The following NELL1 variants were observed in gnomAD, a reference collection of about 807,000 sequenced individuals.
NELL1 encodes the protein protein kinase C-binding protein NELL1.
A neutral mutation model predicts 107.4 loss-of-function variants in NELL1; 76 were observed. That is an observed-to-expected ratio of 0.71 (90% CI 0.59 to 0.86). The LOEUF is 0.86. Among genes scored for constraint, NELL1 ranks in the 40% least tolerant of loss-of-function variants. The pLI, the probability that NELL1 is intolerant of heterozygous loss-of-function variation, is 0.00. For missense variants in NELL1, 1,024 were observed against 1,005.5 expected, an observed-to-expected ratio of 1.02 and a Z score of -0.25; for synonymous variants, 353 against 341.2, an observed-to-expected ratio of 1.03 and a Z score of -0.38.
At chr11:20,863,445 G>A (rs1295732077) in intron 4 of NELL1, among the ~76,000 whole-genome samples, 35 of 114,254 alleles carry the variant, frequency 3.1e-4, no homozygotes, top group African/African-American at 9.4e-4. Flanking sequence ...GCTGCTGGGC[G>A]GAGGGGCTCC....
chr11:20,834,433 C>T (rs541075776), intron 3 of NELL1, among the ~76,000 whole-genome samples: 2 of 151,952 alleles, frequency 1.3e-5, no homozygotes, highest in Non-Finnish European at 2.9e-5. Flanking sequence ...GTTGGTTATG[C>T]AAGTAAGCAG....
intron 15 of NELL1, among the ~76,000 whole-genome samples, chr11:21,470,781 G>A (rs1356925785): frequency 6.6e-6 from 1 of 152,074 alleles, no homozygotes. Context: ...AGGATGCACT[G>A]TGCAGCAGTT....
At chr11:21,053,726 G>A (rs1853550814) in intron 12 of NELL1, among the ~76,000 whole-genome samples, 1 of 152,160 alleles carries the variant, frequency 6.6e-6, no homozygotes, top group Admixed American at 6.6e-5. Flanking sequence ...AACAGATGGA[G>A]CTGGAGAAAT....
intron 14 of NELL1, among the ~76,000 whole-genome samples, chr11:21,357,431 C>T (rs943721746): frequency 1.3e-5 from 2 of 151,970 alleles, no homozygotes; most frequent in Non-Finnish European, 2.9e-5. Flanking sequence ...TTTGTATATT[C>T]GTTGGCCATT....
intron 14 of NELL1, among the ~76,000 whole-genome samples, chr11:21,322,163 C>T (rs1386606219): frequency 6.6e-6 from 1 of 152,182 alleles, no homozygotes; most frequent in Admixed American, 6.5e-5. Flanking sequence ...CAACTCAGAA[C>T]AATCCCTTTC....
At chr11:21,369,397 T>C (rs1049445737) in intron 14 of NELL1, among the ~76,000 whole-genome samples, 6 of 148,392 alleles carry the variant, frequency 4.0e-5, no homozygotes, top group African/African-American at 1.2e-4. Flanking sequence ...AGGCGAAGTG[T>C]TCTAAGATGC....
At chr11:20,810,805 A>G (rs1857486869) in intron 3 of NELL1, among the ~76,000 whole-genome samples, 1 of 151,956 alleles carries the variant, frequency 6.6e-6, no homozygotes, top group South Asian at 2.1e-4. Context: ...TCTTTTCTAT[A>G]GCAGCATTAC....
chr11:21,218,956 C>A (rs1238974723), intron 13 of NELL1, among the ~76,000 whole-genome samples: 1 of 152,022 alleles, frequency 6.6e-6, no homozygotes, highest in African/African-American at 2.4e-5. Context: ...TATGGGGGTG[C>A]AAATATCTCT....
At chr11:21,145,911 T>G (rs1489272760) in intron 13 of NELL1, among the ~76,000 whole-genome samples, 1 of 152,214 alleles carries the variant, frequency 6.6e-6, no homozygotes, top group Non-Finnish European at 1.5e-5. Flanking sequence ...CTTTTATGTC[T>G]TTCCCTCATT....
At chr11:21,311,361 A>G (rs919087154) in intron 14 of NELL1, among the ~76,000 whole-genome samples, 6 of 152,160 alleles carry the variant, frequency 3.9e-5, no homozygotes, top group African/African-American at 1.2e-4. Context: ...TGTATTTCAC[A>G]TGCCTGGGAA....
At chr11:21,258,161 G>A (rs1475765196) in intron 14 of NELL1, among the ~76,000 whole-genome samples, 2 of 152,006 alleles carry the variant, frequency 1.3e-5, no homozygotes, top group African/African-American at 4.8e-5. Context: ...ATCTGAGAGT[G>A]AGAAAAAAAT....
intron 14 of NELL1, among the ~76,000 whole-genome samples, chr11:21,335,207 A>T (rs1180179046): frequency 6.6e-6 from 1 of 152,030 alleles, no homozygotes. Flanking sequence ...AATTTTATTC[A>T]TTCTATTTTA....
At chr11:20,898,760 A>G (rs1270052129) in intron 5 of NELL1, among the ~76,000 whole-genome samples, 1 of 151,400 alleles carries the variant, frequency 6.6e-6, no homozygotes, top group Non-Finnish European at 1.5e-5. Flanking sequence ...CATTTTCTTT[A>G]TTCATTCATT....
intron 14 of NELL1, among the ~76,000 whole-genome samples, chr11:21,233,480 A>G (rs58435514): frequency 2.0e-3 from 298 of 152,146 alleles, no homozygotes; most frequent in African/African-American, 6.8e-3. Flanking sequence ...TCCCTCACAC[A>G]TTGTATTCTA....
At chr11:21,277,859 C>G (rs536895224) in intron 14 of NELL1, among the ~76,000 whole-genome samples, 6 of 151,838 alleles carry the variant, frequency 4.0e-5, no homozygotes, top group Admixed American at 1.3e-4. Context: ...TGAGAACACA[C>G]GGACACAGGA....
intron 15 of NELL1, among the ~76,000 whole-genome samples, chr11:21,385,481 C>G (rs1282574581): frequency 6.6e-6 from 1 of 151,730 alleles, no homozygotes; most frequent in Admixed American, 6.6e-5. Flanking sequence ...ATGTCTCCTT[C>G]TCCCTCACTT....
intron 14 of NELL1, among the ~76,000 whole-genome samples, chr11:21,267,971 T>C (rs1266242072): frequency 6.6e-6 from 1 of 152,186 alleles, no homozygotes; most frequent in Non-Finnish European, 1.5e-5. Context: ...GAGTTTCTCA[T>C]AGACAGCATA....
chr11:20,857,778 C>A (rs766131644), intron 4 of NELL1, among the ~76,000 whole-genome samples: 39 of 152,170 alleles, frequency 2.6e-4, no homozygotes, highest in Non-Finnish European at 5.1e-4. Context: ...ATTCAGCAGA[C>A]ACAAGCCCTA....
At chr11:20,998,847 C>G (rs1462811891) in intron 12 of NELL1, among the ~76,000 whole-genome samples, 1 of 152,186 alleles carries the variant, frequency 6.6e-6, no homozygotes, top group Non-Finnish European at 1.5e-5. Context: ...TGTCCTCTTA[C>G]ATTCATGTAA....
Sources: allele counts gnomAD v4.1 joint callset (sites outside exome capture counted in the v4.1 genomes callset), GRCh38; gene constraint gnomAD v4.1.1; transcripts MANE v1.5; gene names NCBI Gene and HGNC (gene_info 2026-07-23, HGNC 2026-07-21).